Variants in KLHL1 observed in about 807,000 individuals in gnomAD.
KLHL1 encodes the protein kelch-like protein 1.
In KLHL1, 47 loss-of-function variants were observed where a neutral mutation model predicts 77.7. The ratio of observed to expected loss-of-function variants is 0.60; its 90% CI spans 0.48 to 0.77. The LOEUF is 0.77. Ranked by LOEUF, KLHL1 falls within the 30% of genes least tolerant of loss-of-function variation. The pLI, the probability that KLHL1 is intolerant of heterozygous loss-of-function variation, is 0.00. For missense variants in KLHL1, 925 were observed against 910.8 expected (o/e 1.02, Z -0.20); for synonymous variants, 360 against 325.2 (o/e 1.11, Z -1.15).
chr13:69,717,360 T>C (rs758259674), intron 9 of KLHL1, among the ~76,000 whole-genome samples: 3 of 152,096 alleles, frequency 2.0e-5, no homozygotes, highest in Non-Finnish European at 4.4e-5. Flanking sequence ...AAATCATCAA[T>C]ATAGAAAATA....
chr13:69,801,123 C>A (rs906546933), intron 6 of KLHL1, among the ~76,000 whole-genome samples: 14 of 152,096 alleles, frequency 9.2e-5, no homozygotes, highest in African/African-American at 3.4e-4. Flanking sequence ...CACATATATA[C>A]CCCATACATT....
chr13:69,992,054 A>G (rs1048359970), intron 1 of KLHL1, among the ~76,000 whole-genome samples: 1 of 151,980 alleles, frequency 6.6e-6, no homozygotes. Context: ...GCCCTCTGGG[A>G]GGTTCTGTTG....
intron 1 of KLHL1, among the ~76,000 whole-genome samples, chr13:70,042,881 G>A (rs142862185): frequency 1.3e-5 from 2 of 152,060 alleles, no homozygotes; most frequent in Non-Finnish European, 2.9e-5. Context: ...ATATGGAGGG[G>A]GAAGACAGTG....
intron 7 of KLHL1, among the ~76,000 whole-genome samples, chr13:69,783,710 T>C (rs772821299): frequency 7.8e-6 from 1 of 128,520 alleles, no homozygotes; most frequent in Non-Finnish European, 1.7e-5. Context: ...TTGATTGGTG[T>C]ACCTGAAAGT....
At chr13:69,733,134 C>G (rs980716717) in intron 8 of KLHL1, among the ~76,000 whole-genome samples, 2 of 151,774 alleles carry the variant, frequency 1.3e-5, no homozygotes, top group African/African-American at 4.8e-5. Context: ...AATGACTGTT[C>G]TGATTTCTGG....
chr13:69,961,260 C>G, intron 3 of KLHL1, 48 bp downstream of exon 3: 12 of 1,555,968 alleles, frequency 7.7e-6, no homozygotes, highest in Non-Finnish European at 1.1e-5. Flanking sequence ...AGGAAATGAG[C>G]TAAAATTTAT....
intron 4 of KLHL1, among the ~76,000 whole-genome samples, chr13:69,884,051 A>T (rs549713054): frequency 2.7e-4 from 41 of 152,326 alleles, no homozygotes; most frequent in African/African-American, 9.9e-4. Flanking sequence ...AACAGAGTAG[A>T]GGATTCAGCA....
chr13:70,084,033 A>C (rs1029052168), intron 1 of KLHL1, among the ~76,000 whole-genome samples: 2 of 152,192 alleles, frequency 1.3e-5, no homozygotes, highest in Non-Finnish European at 2.9e-5. Context: ...GTGGATAACA[A>C]CATGTGCTTT....
At chr13:70,040,959 G>C (rs968628249) in intron 1 of KLHL1, among the ~76,000 whole-genome samples, 5 of 151,676 alleles carry the variant, frequency 3.3e-5, no homozygotes, top group Non-Finnish European at 7.4e-5. Flanking sequence ...TTACAGATTG[G>C]GTGACTTCTA....
At chr13:69,865,538 G>A (rs1289022250) in intron 5 of KLHL1, among the ~76,000 whole-genome samples, 1 of 152,056 alleles carries the variant, frequency 6.6e-6, no homozygotes, top group African/African-American at 2.4e-5. Flanking sequence ...GAAGAGGGAC[G>A]GCATCGTGAA....
chr13:69,787,081 T>G (rs1876592233), intron 7 of KLHL1, among the ~76,000 whole-genome samples: 1 of 152,152 alleles, frequency 6.6e-6, no homozygotes, highest in African/African-American at 2.4e-5. Flanking sequence ...ATGGCCATAC[T>G]GCCCAAGGTA....
chr13:70,036,514 C>T (rs1886242352), intron 1 of KLHL1, among the ~76,000 whole-genome samples: 2 of 151,802 alleles, frequency 1.3e-5, no homozygotes, highest in Admixed American at 1.3e-4. Context: ...AGTACACATA[C>T]GTATGTGTGT....
chr13:70,008,886 C>A (rs1320355124), intron 1 of KLHL1, among the ~76,000 whole-genome samples: 1 of 151,934 alleles, frequency 6.6e-6, no homozygotes, highest in Non-Finnish European at 1.5e-5. Context: ...AGAAAGCAAC[C>A]TCAAAAATGG....
chr13:69,731,969 C>G (rs1434704154), intron 8 of KLHL1, among the ~76,000 whole-genome samples: 1 of 151,676 alleles, frequency 6.6e-6, no homozygotes, highest in Non-Finnish European at 1.5e-5. Context: ...ACTTTAAAGA[C>G]TTTAAAGATG....
At chr13:69,940,013 C>T (rs376841004) in intron 4 of KLHL1, 27 bp downstream of exon 4, 7 of 1,525,186 alleles carry the variant, frequency 4.6e-6, no homozygotes, top group Middle Eastern at 1.8e-4. Flanking sequence ...AGTGTGTCTC[C>T]ATTATTAAAA....
At chr13:70,006,502 G>GTTT (rs35894102) in intron 1 of KLHL1, among the ~76,000 whole-genome samples, 18 of 139,012 alleles carry the variant, frequency 1.3e-4, no homozygotes, top group Middle Eastern at 3.7e-3. Flanking sequence ...TCCCCCTCAA[G>GTTT]TTTTTTTTTT....
intron 1 of KLHL1, among the ~76,000 whole-genome samples, chr13:70,036,016 A>C (rs955416269): frequency 1.3e-5 from 2 of 152,062 alleles, no homozygotes; most frequent in African/African-American, 4.8e-5. Context: ...GATGAGTATC[A>C]ACACACTGAA....
At chr13:69,901,068 C>A (rs939721004) in intron 4 of KLHL1, among the ~76,000 whole-genome samples, 3 of 152,090 alleles carry the variant, frequency 2.0e-5, no homozygotes, top group Non-Finnish European at 4.4e-5. Context: ...TAAACAGAAA[C>A]AAGAAACTCA....
At chr13:69,737,457 C>G (rs779939660) in intron 8 of KLHL1, among the ~76,000 whole-genome samples, 1 of 152,224 alleles carries the variant, frequency 6.6e-6, no homozygotes, top group South Asian at 2.1e-4. Flanking sequence ...GCGGCCAGCA[C>G]AGCAGGCTAG....
Sources: allele counts gnomAD v4.1 joint callset (sites outside exome capture counted in the v4.1 genomes callset), GRCh38; gene constraint gnomAD v4.1.1; transcripts MANE v1.5; gene names NCBI Gene and HGNC (gene_info 2026-07-23, HGNC 2026-07-21).